Variants in FRMD4A observed in about 807,000 individuals in gnomAD.
The protein encoded by FRMD4A is FERM domain containing 4A, also known as FERM domain-containing protein 4A.
A neutral mutation model predicts 129.1 loss-of-function variants in FRMD4A; 29 were observed. The observed-to-expected ratio is 0.22, with a 90% confidence interval of 0.17 to 0.31. FRMD4A has a LOEUF of 0.31. Among genes scored for constraint, FRMD4A ranks in the 10% least tolerant of loss-of-function variants. FRMD4A has a pLI of 1.00. For synonymous variants in FRMD4A, 634 were observed against 571.6 expected (o/e 1.11, Z -1.56); for missense variants, 1,272 against 1,375.8 (o/e 0.92, Z 1.19).
chr10:14,114,235 CTCT>C (rs1348853254), intron 2 of FRMD4A, among the ~76,000 whole-genome samples: 3 of 152,194 alleles, frequency 2.0e-5, no homozygotes, highest in Non-Finnish European at 4.4e-5. Flanking sequence ...TCCTCAGGCT[CTCT>C]TCTTTGTGAG....
At chr10:13,787,363 C>T (rs907274268) in intron 5 of FRMD4A, among the ~76,000 whole-genome samples, 26 of 152,206 alleles carry the variant, frequency 1.7e-4, no homozygotes, top group Admixed American at 1.4e-3. Flanking sequence ...TCCACCCGCA[C>T]GCCCAGAGAG....
At chr10:13,714,962 C>T (rs913620493) in intron 12 of FRMD4A, among the ~76,000 whole-genome samples, 2 of 152,058 alleles carry the variant, frequency 1.3e-5, no homozygotes, top group African/African-American at 4.8e-5. Flanking sequence ...TCACTTGAAC[C>T]CAGGAGGCAG....
At chr10:14,193,832 T>C (rs1453690793) in intron 2 of FRMD4A, among the ~76,000 whole-genome samples, 1 of 152,188 alleles carries the variant, frequency 6.6e-6, no homozygotes, top group Admixed American at 6.5e-5. Context: ...TTGATGGAAA[T>C]GCGTTGCTCC....
chr10:14,052,302 G>A (rs1169682741), intron 2 of FRMD4A, among the ~76,000 whole-genome samples: 2 of 152,172 alleles, frequency 1.3e-5, no homozygotes, highest in African/African-American at 4.8e-5. Context: ...TTTTGTTATG[G>A]CAGCCACAAG....
At chr10:13,850,444 C>G (rs981716115) in intron 3 of FRMD4A, among the ~76,000 whole-genome samples, 3 of 152,314 alleles carry the variant, frequency 2.0e-5, no homozygotes, top group Non-Finnish European at 2.9e-5. Context: ...ATTTCATCCA[C>G]TGCTGTGGAA....
chr10:14,000,130 C>A (rs1245301096), intron 2 of FRMD4A, among the ~76,000 whole-genome samples: 9 of 152,182 alleles, frequency 5.9e-5, no homozygotes, highest in Admixed American at 6.5e-5. Context: ...GGTTCATCCA[C>A]TCCCAGATTA....
At chr10:14,233,047 A>G (rs1444095446) in intron 2 of FRMD4A, among the ~76,000 whole-genome samples, 2 of 152,220 alleles carry the variant, frequency 1.3e-5, no homozygotes, top group African/African-American at 4.8e-5. Flanking sequence ...TAGTAGTTGC[A>G]TGTCTCTCTG....
intron 2 of FRMD4A, among the ~76,000 whole-genome samples, chr10:14,186,416 C>T (rs1842148599): frequency 6.6e-6 from 1 of 152,146 alleles, no homozygotes; most frequent in African/African-American, 2.4e-5. Context: ...CCCACTAATC[C>T]CAGAATCCAC....
intron 2 of FRMD4A, among the ~76,000 whole-genome samples, chr10:14,244,766 C>G (rs968036743): frequency 3.3e-5 from 5 of 152,198 alleles, no homozygotes; most frequent in African/African-American, 4.8e-5. Flanking sequence ...GAAGGCAGCA[C>G]TTAGAATCAA....
chr10:13,807,921 C>G (rs148150040), intron 4 of FRMD4A, among the ~76,000 whole-genome samples: 206 of 152,124 alleles, frequency 1.4e-3, no homozygotes, highest in African/African-American at 4.7e-3. Flanking sequence ...GCCTCAGCCT[C>G]CCAAACAGCT....
At chr10:13,675,476 G>C (rs940043261) in intron 15 of FRMD4A, among the ~76,000 whole-genome samples, 1 of 152,070 alleles carries the variant, frequency 6.6e-6, no homozygotes, top group African/African-American at 2.4e-5. Context: ...ATCTCGGCTC[G>C]CTGCAACCTC....
chr10:14,039,017 T>C (rs995994055), intron 2 of FRMD4A, among the ~76,000 whole-genome samples: 54 of 152,356 alleles, frequency 3.5e-4, no homozygotes, highest in African/African-American at 1.2e-3. Flanking sequence ...AAAATCATTA[T>C]AGAACAGCAG....
At chr10:13,920,251 T>A (rs746899970) in intron 2 of FRMD4A, among the ~76,000 whole-genome samples, 1 of 152,202 alleles carries the variant, frequency 6.6e-6, no homozygotes, top group African/African-American at 2.4e-5. Context: ...TGTAGGCATT[T>A]TTTTTGGCAG....
rs111379680 is a variant in FRMD4A, at chr10:13,722,961, C to T, written c.759+14883G>A. 5.1e-3 allele frequency among the ~76,000 whole-genome samples: 762 copies of T among 149,978 alleles called. 8 individuals are homozygous for T. Among genetic ancestry groups the T allele is most frequent in the African/African-American group, 0.018 (723 of 40,620 alleles). Reference sequence around the variant, plus strand: ...TTAGCTAGCTCACCATGCTAGTTAGCTACATCCCTATGCTGCTTAGCTACA... The same window carrying T: ...TTAGCTAGCTCACCATGCTAGTTAGTTACATCCCTATGCTGCTTAGCTACA... On this transcript the variant is annotated intron_variant, in intron 12 of 24. Coordinates refer to ENST00000357447, the MANE Select transcript of FRMD4A (RefSeq NM_018027.5).
chr10:14,264,412 C>G (rs972017913), intron 2 of FRMD4A, among the ~76,000 whole-genome samples: 3 of 152,194 alleles, frequency 2.0e-5, no homozygotes, highest in African/African-American at 7.2e-5. Flanking sequence ...AAAACAACAA[C>G]AACAACAAAA....
At position 14,297,269 on chromosome 10, in the gene FRMD4A, T is replaced by C. The variant is rs76372788; in HGVS notation, c.45+32789A>G. ...ACTTCTAAGGCACATGACAGTCAGG[T>C]CATTACAGACAAACAAGGGGGAAAC... On this transcript the variant is annotated intron_variant, in intron 2 of 24. Coordinates refer to ENST00000357447, the MANE Select transcript of FRMD4A (RefSeq NM_018027.5). 6.1e-3 allele frequency among the ~76,000 whole-genome samples: 935 copies of C among 152,160 alleles called. 17 individuals are homozygous for C. Among genetic ancestry groups the C allele is most frequent in the East Asian group, 0.052 (266 of 5,154 alleles).
intron 2 of FRMD4A, among the ~76,000 whole-genome samples, chr10:14,187,156 AAGGGAGGG>A (rs368593790): frequency 3.8e-5 from 5 of 132,320 alleles, no homozygotes; most frequent in African/African-American, 8.3e-5. Flanking sequence ...GGAAAGAAGG[AAGGGAGGG>A]AGGGAGGGAG....
At chr10:13,722,386 C>T (rs1291926542) in intron 12 of FRMD4A, among the ~76,000 whole-genome samples, 7 of 151,264 alleles carry the variant, frequency 4.6e-5, no homozygotes, top group Admixed American at 3.3e-4. Context: ...CATGCACCAC[C>T]ATACTCGGCT....
chr10:13,988,384 C>G (rs1157795653), intron 2 of FRMD4A, among the ~76,000 whole-genome samples: 1 of 152,154 alleles, frequency 6.6e-6, no homozygotes, highest in Admixed American at 6.5e-5. Flanking sequence ...ATCCCCAGTG[C>G]CCAAGAAAGG....
Sources: allele counts gnomAD v4.1 joint callset (sites outside exome capture counted in the v4.1 genomes callset), GRCh38; gene constraint gnomAD v4.1.1; transcripts MANE v1.5; gene names NCBI Gene and HGNC (gene_info 2026-07-23, HGNC 2026-07-21).